GLIS3: variants seen among roughly 807,000 people sequenced by gnomAD.
GLIS3 encodes zinc finger protein GLIS3.
In GLIS3, 53 loss-of-function variants were observed where a neutral mutation model predicts 78.6. The observed-to-expected ratio is 0.67, with a 90% CI of 0.54 to 0.85. GLIS3 has a LOEUF of 0.85. GLIS3 is among the 40% of genes least tolerant of loss of function. The pLI is 0.00. For synonymous variants in GLIS3, 684 were observed against 509.9 expected, an observed-to-expected ratio of 1.34 and a Z score of -4.60; for missense variants, 1,703 against 1,231.1, an observed-to-expected ratio of 1.38 and a Z score of -5.74.
In GLIS3 at chr9:3,859,386, CACACACACACACACAT is replaced by C. The variant is rs1170179791; in HGVS notation, c.2298-3218_2298-3203del. Among the ~76,000 whole-genome samples, 3 of 67,222 alleles carry C rather than the reference CACACACACACACACAT, an allele frequency of 4.5e-5. No individual in the cohort carries two copies. The Admixed American group carries it at 4.7e-4, about 11-fold the overall frequency. The allele number at this position is 67,222 out of a possible 152,430, so 44.1% of individuals were successfully genotyped here. Reference sequence around the variant, plus strand: ...ACACACACACACACACACACACACACACACACACACACACATCAAAATGAATATGTTCTGAATATTC... The same window carrying C: ...ACACACACACACACACACACACACACCAAAATGAATATGTTCTGAATATTC... On this transcript the variant is annotated intron_variant, in intron 8 of 10. Coordinates refer to ENST00000381971, the MANE Select transcript of GLIS3 (RefSeq NM_001042413.2).
At chr9:4,169,475 G>A (rs1000388158) in intron 2 of GLIS3, among the ~76,000 whole-genome samples, 1 of 152,156 alleles carries the variant, frequency 6.6e-6, no homozygotes, top group Non-Finnish European at 1.5e-5. Context: ...ACCACTTAAT[G>A]TGCCGTGTGG....
At chr9:4,486,351 C>G in the GLIS3 span, among the ~76,000 whole-genome samples, 1 of 152,138 alleles carries the variant, frequency 6.6e-6, no homozygotes, top group Non-Finnish European at 1.5e-5. Flanking sequence ...CCTGTAAGAC[C>G]AAGAATGTAA....
intron 2 of GLIS3, among the ~76,000 whole-genome samples, chr9:4,328,671 C>T (rs1817638248): frequency 6.6e-6 from 1 of 152,236 alleles, no homozygotes; most frequent in Non-Finnish European, 1.5e-5. Context: ...TGGAATCTTG[C>T]TCTGCCTCTC....
intron 4 of GLIS3, among the ~76,000 whole-genome samples, chr9:4,056,092 C>A (rs1826135756): frequency 6.6e-6 from 1 of 152,180 alleles, no homozygotes; most frequent in Non-Finnish European, 1.5e-5. Context: ...TAGGCATCAT[C>A]CAGCCCCCAT....
intron 4 of GLIS3, chr9:4,070,998 T>C (rs576076366): frequency 2.6e-5 from 4 of 152,334 alleles, no homozygotes; most frequent in South Asian, 4.1e-4. Flanking sequence ...CTTTCACCAC[T>C]GAAGTCTTTT....
chr9:4,115,935 T>C (rs1405769383), intron 4 of GLIS3, among the ~76,000 whole-genome samples: 1 of 152,230 alleles, frequency 6.6e-6, no homozygotes, highest in East Asian at 1.9e-4. Flanking sequence ...ATACCCATTC[T>C]GAACAATACA....
chr9:4,190,110 C>G (rs1357315742), intron 2 of GLIS3, among the ~76,000 whole-genome samples: 3 of 152,124 alleles, frequency 2.0e-5, no homozygotes, highest in African/African-American at 7.2e-5. Flanking sequence ...ACTGGAAACT[C>G]TAAAAAGCAG....
At chr9:4,368,828 C>G in the GLIS3 span, among the ~76,000 whole-genome samples, 1 of 152,130 alleles carries the variant, frequency 6.6e-6, no homozygotes, top group Non-Finnish European at 1.5e-5. Context: ...CGTTCTAATT[C>G]AAAGTGGAAC....
chr9:4,284,959 C>T (rs370364629), intron 2 of GLIS3, among the ~76,000 whole-genome samples: 252 of 105,810 alleles, frequency 2.4e-3, no homozygotes, highest in African/African-American at 1.0e-2. Context: ...ATGTTTAGTG[C>T]TATTTTTTTT....
chr9:4,250,100 C>T (rs1201127075), intron 2 of GLIS3, among the ~76,000 whole-genome samples: 1 of 152,030 alleles, frequency 6.6e-6, no homozygotes, highest in Non-Finnish European at 1.5e-5. Flanking sequence ...TGTATCTCTG[C>T]CAGGTTTTGG....
At chr9:4,460,895 T>C in the GLIS3 span, among the ~76,000 whole-genome samples, 1 of 152,192 alleles carries the variant, frequency 6.6e-6, no homozygotes, top group Non-Finnish European at 1.5e-5. Flanking sequence ...CTTGGCTGTA[T>C]GTTTGGTACT....
intron 4 of GLIS3, among the ~76,000 whole-genome samples, chr9:4,048,622 GA>G (rs1173477913): frequency 6.6e-6 from 1 of 152,124 alleles, no homozygotes; most frequent in Non-Finnish European, 1.5e-5. Context: ...TCTCTTCAAA[GA>G]GAGCACAAAA....
At chr9:4,240,076 G>A (rs1298220391) in intron 2 of GLIS3, among the ~76,000 whole-genome samples, 14 of 151,020 alleles carry the variant, frequency 9.3e-5, no homozygotes, top group Admixed American at 9.3e-4. Context: ...TATGTAAGTA[G>A]TGGACACATA....
the GLIS3 span, among the ~76,000 whole-genome samples, chr9:4,366,656 T>C: frequency 6.6e-6 from 1 of 152,234 alleles, no homozygotes; most frequent in African/African-American, 2.4e-5. Flanking sequence ...GCTCAAGTGA[T>C]TGCGATGGCG....
chr9:4,133,316 T>C (rs1168626204), intron 2 of GLIS3, among the ~76,000 whole-genome samples: 1 of 152,220 alleles, frequency 6.6e-6, no homozygotes, highest in Non-Finnish European at 1.5e-5. Flanking sequence ...ATGTAACTTA[T>C]GGAACAATTG....
At chr9:4,054,487 G>A (rs1269586329) in intron 4 of GLIS3, 23 of 985,282 alleles carry the variant, frequency 2.3e-5, no homozygotes, top group Admixed American at 1.2e-4. Context: ...CAGGGCCTAC[G>A]GGTTCTGCAG....
chr9:4,039,061 G>C (rs1007272550), intron 4 of GLIS3, among the ~76,000 whole-genome samples: 5 of 152,070 alleles, frequency 3.3e-5, no homozygotes, highest in Admixed American at 2.6e-4. Flanking sequence ...GAATAAAAAA[G>C]GAAAACCAAT....
At chr9:4,157,459 G>C (rs553252768) in intron 2 of GLIS3, among the ~76,000 whole-genome samples, 1 of 152,072 alleles carries the variant, frequency 6.6e-6, no homozygotes, top group African/African-American at 2.4e-5. Context: ...TAGCATCCTT[G>C]GTCTCTCTTT....
At chr9:4,253,507 T>G (rs1824598038) in intron 2 of GLIS3, among the ~76,000 whole-genome samples, 1 of 152,186 alleles carries the variant, frequency 6.6e-6, no homozygotes, top group Non-Finnish European at 1.5e-5. Flanking sequence ...GTGCTGACAG[T>G]GACAATTTGA....
Sources: gnomAD v4.1 joint callset for allele counts (sites outside exome capture counted in the v4.1 genomes callset) on GRCh38, gnomAD v4.1.1 for gene constraint, MANE v1.5 for transcripts, NCBI Gene and HGNC (gene_info 2026-07-23, HGNC 2026-07-21) for gene names.